Variants in EML2 observed in about 807,000 individuals in gnomAD.
EML2 encodes EMAP like 2.
A neutral mutation model predicts 84.7 loss-of-function variants in EML2; 59 were observed. The ratio of observed to expected loss-of-function variants is 0.70; its 90% confidence interval spans 0.56 to 0.86. The LOEUF (loss-of-function observed/expected upper bound fraction) is 0.86. Ranked by LOEUF, EML2 falls within the 40% of genes least tolerant of loss-of-function variation. EML2 has a pLI of 0.00. For synonymous variants in EML2, 352 were observed against 348.9 expected (o/e 1.01, Z -0.10); for missense variants, 818 against 855.6 (o/e 0.96, Z 0.55).
At chr19:45,645,369 C>T (rs891514074), upstream of EML2, 6 of 1,524,880 alleles carry the variant, frequency 3.9e-6, no homozygotes, top group African/African-American at 1.4e-5. Context: ...CCGGCCCCCC[C>T]GGTCCCAGCC....
chr19:45,626,955 C>A, intron 7 of EML2, 116 bp from the exon 8 acceptor site: 196 of 769,284 alleles, frequency 2.5e-4, no homozygotes, highest in Non-Finnish European at 3.1e-4. Context: ...CACACCTGAA[C>A]TTTTCTTTTT....
chr19:45,633,738 A>C (rs1317504825), intron 4 of EML2, among the ~76,000 whole-genome samples: 2 of 151,902 alleles, frequency 1.3e-5, no homozygotes, highest in African/African-American at 4.8e-5. Context: ...ACTAGTTCTC[A>C]AAAAAAGAAA....
chr19:45,638,409 C>T (rs920489605), intron 3 of EML2, 96 bp downstream of exon 3: 2 of 1,573,406 alleles, frequency 1.3e-6, no homozygotes, highest in African/African-American at 1.3e-5. Context: ...ACGATCCTCC[C>T]AAAGTGCTGA....
chr19:45,615,919 G>A (rs1355137781), intron 15 of EML2, 30 bp from the exon 16 acceptor site: 2 of 1,554,072 alleles, frequency 1.3e-6, no homozygotes, highest in South Asian at 2.2e-5. Flanking sequence ...TGGTGTTAGA[G>A]CTGCAGAGGG....
intron 3 of EML2, among the ~76,000 whole-genome samples, chr19:45,636,734 G>T (rs576199867): frequency 1.3e-5 from 2 of 152,210 alleles, no homozygotes; most frequent in African/African-American, 2.4e-5. Flanking sequence ...ATCACTTGAG[G>T]TCAGGAGTCC....
upstream of EML2, chr19:45,639,465 C>A (rs1974193122): frequency 1.6e-6 from 2 of 1,218,982 alleles, no homozygotes; most frequent in Admixed American, 4.2e-5. Flanking sequence ...GGCCGCCGCG[C>A]CCCTGCCCCG....
intron 11 of EML2, among the ~76,000 whole-genome samples, chr19:45,619,867 A>G (rs1971494364): frequency 6.6e-6 from 1 of 151,976 alleles, no homozygotes; most frequent in Non-Finnish European, 1.5e-5. Context: ...CCTGGGCAAC[A>G]TGGCAAAACC....
At chr19:45,614,928 G>A in intron 16 of EML2, 1 of 447,024 alleles carries the variant, frequency 2.2e-6, no homozygotes, top group Non-Finnish European at 4.2e-6. Flanking sequence ...GGGCATGGTG[G>A]CTCACGTCTG....
Position 45,634,470 on chromosome 19 carries a change from A to T in EML2, c.181T>A (p.Tyr61Asn). 1 of 1,611,324 alleles carries T rather than the reference A, an allele frequency of 6.2e-7. No individual in the cohort carries two copies. Among genetic ancestry groups the T allele is most frequent in the South Asian group, 1.1e-5 (1 of 90,674 alleles). The change falls in exon 4 of 19, where the codon TAT becomes AAT. Residue 61 changes from tyrosine (Y) to asparagine (N), a missense_variant and splice_region_variant. Transcript: ENST00000245925. ...CGGCAGTCTCGGCCACGGTAGCCAT[A>T]GCTGGAGCCACCCAGGGGCTGGTTA... ...PSCRLKLEWV[Y>N]GYRGRDCRAN... is the part of the protein sequence containing the mutation.
intron 6 of EML2, among the ~76,000 whole-genome samples, chr19:45,631,082 G>A (rs963084827): frequency 3.9e-5 from 6 of 152,054 alleles, no homozygotes; most frequent in Non-Finnish European, 8.8e-5. Flanking sequence ...CCTAACCTCT[G>A]GTGATACACC....
chr19:45,614,392 C>T (rs1432737105), intron 17 of EML2, among the ~76,000 whole-genome samples: 1 of 146,802 alleles, frequency 6.8e-6, no homozygotes, highest in Non-Finnish European at 1.5e-5. Flanking sequence ...TGGATCTCTC[C>T]TGGCCAGTTA....
chr19:45,645,023 G>T (rs1300225561), upstream of EML2: 4 of 578,900 alleles, frequency 6.9e-6, no homozygotes, highest in Middle Eastern at 4.6e-4. Context: ...GGTTCCTTCG[G>T]GTTCTGCCCC....
chr19:45,617,154 G>A (rs768518443), intron 13 of EML2, among the ~76,000 whole-genome samples: 5 of 152,022 alleles, frequency 3.3e-5, no homozygotes, highest in Admixed American at 1.3e-4. Context: ...GCTGAGGCAC[G>A]AGAATTGCTT....
intron 11 of EML2, chr19:45,620,960 G>A (rs780620274): frequency 1.9e-5 from 12 of 620,060 alleles, no homozygotes; most frequent in African/African-American, 1.3e-4. Context: ...CCTGAAGGGT[G>A]CCACCCCCAA....
Position 45,616,924 on chromosome 19 carries a change from G to A in EML2, c.1323-71C>T, listed in dbSNP as rs564597682. 4.2e-6 allele frequency: 5 copies of A among 1,183,750 alleles called. No individual in the cohort carries two copies. In the African/African-American group the frequency reaches 6.0e-5, roughly 14 times the overall value. The allele number at this position is 1,183,750 out of a possible 1,614,324, so 73.3% of individuals were successfully genotyped here. A position where few individuals can be genotyped will look rare whatever the true frequency, so the allele number is the denominator to read the frequency against. On this transcript the variant is annotated intron_variant, in intron 13 of 18. Coordinates refer to ENST00000245925, the MANE Select transcript of EML2 (RefSeq NM_012155.4). ...GACAGAGAGAGGCCGCAATCTGTGGGGTCTAAGGGAGGGATCAGAGGGACC... is the reference window on the plus strand; with the variant it reads ...GACAGAGAGAGGCCGCAATCTGTGGAGTCTAAGGGAGGGATCAGAGGGACC...
chr19:45,640,400 CT>C (rs796830548), upstream of EML2: 3,001 of 135,696 alleles, frequency 0.022, 50 homozygotes, highest in Middle Eastern at 0.062. Flanking sequence ...CTTTCTCTCT[CT>C]TTTTTTTTTT....
chr19:45,609,512 T>A lies in EML2; in HGVS notation c.*151A>T, dbSNP rs537921186. On this transcript the variant is annotated 3_prime_UTR_variant, in exon 19 of 19. Coordinates refer to ENST00000245925, the MANE Select transcript of EML2 (RefSeq NM_012155.4). ...ATGTGACTCCCTCTTCCCACCCGGA[T>A]AAATAGAGACTTCTGTATGTCAGTC... is the stretch of plus-strand genomic sequence containing the variant. 32 of 855,970 alleles carry A rather than the reference T, an allele frequency of 3.7e-5. No individual in the cohort carries two copies. The African/African-American group carries it at 4.4e-4, about 12-fold the overall frequency. The allele number at this position is 855,970 out of a possible 1,614,324, so 53.0% of individuals were successfully genotyped here. A position where few individuals can be genotyped will look rare whatever the true frequency, so the allele number is the denominator to read the frequency against.
upstream of EML2, chr19:45,645,384 C>T (rs778126827): frequency 4.6e-5 from 69 of 1,511,912 alleles, no homozygotes; most frequent in South Asian, 8.0e-4. Flanking sequence ...CCAGCCCGGG[C>T]CCGGTCCCCC....
Position 45,616,481 on chromosome 19 carries a change from TGAC to T in EML2, c.1486_1488del (p.Val496del). The stretch of plus-strand genomic sequence containing the variant: ...CTCACCGAGCACTTGCCCAGGCGGC[TGAC>T]CTTGCGGCCGCCCTGGTCCACCGTG... On this transcript the variant is annotated inframe_deletion, in exon 15 of 19. Transcript: ENST00000245925. The T allele has an allele frequency of 6.3e-7, 1 of 1,593,016 alleles. No individual in the cohort carries two copies. The highest frequency in any genetic ancestry group is 8.6e-7 in the Non-Finnish European group (1 of 1,163,770).
Sources: gnomAD v4.1 joint callset for allele counts (sites outside exome capture counted in the v4.1 genomes callset) on GRCh38, gnomAD v4.1.1 for gene constraint, MANE v1.5 for transcripts, NCBI Gene and HGNC (gene_info 2026-07-23, HGNC 2026-07-21) for gene names.